The following PTPRD variants were observed in gnomAD, a reference collection of about 807,000 sequenced individuals.
PTPRD encodes the protein protein tyrosine phosphatase receptor type D.
A neutral mutation model predicts 214.5 loss-of-function variants in PTPRD; 34 were observed. That is an observed-to-expected ratio of 0.16 (90% CI 0.12 to 0.21). The LOEUF is 0.21. Ranked by LOEUF, PTPRD falls within the 10% of genes least tolerant of loss-of-function variation. The pLI is 1.00. For synonymous variants in PTPRD, 1,128 were observed against 845.7 expected (o/e 1.33, Z -5.79); for missense variants, 2,545 against 2,398.7 (o/e 1.06, Z -1.27).
At chr9:8,712,999 G>A (rs1049916965) in intron 12 of PTPRD, among the ~76,000 whole-genome samples, 1 of 152,178 alleles carries the variant, frequency 6.6e-6, no homozygotes, top group Admixed American at 6.5e-5. Context: ...GATTATAGGC[G>A]TGAGCCACCG....
At chr9:8,496,547 A>C (rs1419547463) in intron 26 of PTPRD, among the ~76,000 whole-genome samples, 1 of 152,210 alleles carries the variant, frequency 6.6e-6, no homozygotes, top group Non-Finnish European at 1.5e-5. Context: ...ATATTTTAAA[A>C]ACATTCCTCC....
intron 35 of PTPRD, among the ~76,000 whole-genome samples, chr9:8,421,574 A>G (rs1197979748): frequency 6.6e-6 from 1 of 152,136 alleles, no homozygotes; most frequent in Non-Finnish European, 1.5e-5. Context: ...CAGCGAATCA[A>G]ATCTGCCATA....
At chr9:8,437,813 C>T (rs137986650) in intron 34 of PTPRD, among the ~76,000 whole-genome samples, 90 of 152,210 alleles carry the variant, frequency 5.9e-4, no homozygotes, top group African/African-American at 2.0e-3. Context: ...ATTCAGCCAG[C>T]GGAAGATATA....
At chr9:9,349,593 T>G (rs1156707919) in intron 9 of PTPRD, among the ~76,000 whole-genome samples, 1 of 151,318 alleles carries the variant, frequency 6.6e-6, no homozygotes, top group Non-Finnish European at 1.5e-5. Context: ...TCTCTAAGTT[T>G]TTTTTTTTTT....
At chr9:9,904,238 A>C (rs898956037) in intron 5 of PTPRD, among the ~76,000 whole-genome samples, 6 of 152,084 alleles carry the variant, frequency 3.9e-5, no homozygotes, top group African/African-American at 1.4e-4. Flanking sequence ...ACGTTTGATG[A>C]ACTACAAGAA....
At chr9:9,571,657 A>C (rs2086450226) in intron 8 of PTPRD, among the ~76,000 whole-genome samples, 1 of 151,028 alleles carries the variant, frequency 6.6e-6, no homozygotes, top group Non-Finnish European at 1.5e-5. Flanking sequence ...CTGAATTTTC[A>C]TTTCAAAATT....
intron 2 of PTPRD, among the ~76,000 whole-genome samples, chr9:10,446,360 A>G: frequency 6.6e-6 from 1 of 151,878 alleles, no homozygotes; most frequent in Admixed American, 6.6e-5. Context: ...GATGAATATA[A>G]GAACTATTGA....
intron 3 of PTPRD, among the ~76,000 whole-genome samples, chr9:10,051,388 T>G (rs1310730405): frequency 6.6e-6 from 1 of 152,152 alleles, no homozygotes; most frequent in Non-Finnish European, 1.5e-5. Flanking sequence ...CTGCTGTTAG[T>G]CATCTCCAGT....
At chr9:10,373,840 G>A (rs2097677409) in intron 2 of PTPRD, among the ~76,000 whole-genome samples, 1 of 152,016 alleles carries the variant, frequency 6.6e-6, no homozygotes, top group South Asian at 2.1e-4. Flanking sequence ...AGCAGCTGCT[G>A]ACTCCTGAAG....
intron 11 of PTPRD, among the ~76,000 whole-genome samples, chr9:8,967,753 A>G (rs1589042356): frequency 6.6e-6 from 1 of 152,152 alleles, no homozygotes; most frequent in South Asian, 2.1e-4. Context: ...CAGTATGTAC[A>G]GGCAGGCACT....
chr9:10,567,880 AT>A (rs1371218620), intron 2 of PTPRD, among the ~76,000 whole-genome samples: 3 of 150,072 alleles, frequency 2.0e-5, no homozygotes, highest in Non-Finnish European at 4.5e-5. Context: ...AATCAATATG[AT>A]TTTTGCATTT....
chr9:9,187,238 A>G (rs1233885676), intron 9 of PTPRD, among the ~76,000 whole-genome samples: 1 of 152,048 alleles, frequency 6.6e-6, no homozygotes, highest in Non-Finnish European at 1.5e-5. Context: ...TTTTTAAAGT[A>G]GCTTAAAATT....
intron 2 of PTPRD, among the ~76,000 whole-genome samples, chr9:10,549,543 G>C (rs2060860637): frequency 6.6e-6 from 1 of 152,092 alleles, no homozygotes; most frequent in South Asian, 2.1e-4. Flanking sequence ...TATGTACGTA[G>C]CAATATAAGA....
chr9:9,744,387 G>A (rs554290608), intron 6 of PTPRD, among the ~76,000 whole-genome samples: 15 of 152,042 alleles, frequency 9.9e-5, no homozygotes, highest in African/African-American at 3.6e-4. Flanking sequence ...TGCATATATT[G>A]TTACCAATTT....
chr9:10,420,560 G>A (rs904298004), intron 2 of PTPRD, among the ~76,000 whole-genome samples: 8 of 151,824 alleles, frequency 5.3e-5, no homozygotes, highest in Admixed American at 1.3e-4. Flanking sequence ...AACGACGGGG[G>A]GGCTGAAGCA....
At chr9:9,143,011 G>A (rs1019700554) in intron 10 of PTPRD, among the ~76,000 whole-genome samples, 4 of 152,054 alleles carry the variant, frequency 2.6e-5, no homozygotes, top group Admixed American at 6.6e-5. Flanking sequence ...GGAATGGCCC[G>A]TTCTCTCCAC....
At chr9:8,764,137 G>C (rs544840482) in intron 11 of PTPRD, among the ~76,000 whole-genome samples, 1 of 152,292 alleles carries the variant, frequency 6.6e-6, no homozygotes, top group East Asian at 1.9e-4. Flanking sequence ...CAGGACTGCA[G>C]TTAAGTCTCA....
At chr9:10,059,944 G>T (rs2097727090) in intron 3 of PTPRD, among the ~76,000 whole-genome samples, 1 of 151,948 alleles carries the variant, frequency 6.6e-6, no homozygotes, top group African/African-American at 2.4e-5. Context: ...AGATAAAAAT[G>T]TAAGTAAGAT....
chr9:8,781,913 T>A (rs1490744383), intron 11 of PTPRD, among the ~76,000 whole-genome samples: 1 of 152,130 alleles, frequency 6.6e-6, no homozygotes, highest in East Asian at 1.9e-4. Context: ...GGTCCATCCA[T>A]AAGACATTCT....
Sources: gnomAD v4.1 joint callset for allele counts (sites outside exome capture counted in the v4.1 genomes callset) on GRCh38, gnomAD v4.1.1 for gene constraint, MANE v1.5 for transcripts, NCBI Gene and HGNC (gene_info 2026-07-23, HGNC 2026-07-21) for gene names.